Variants in SACS observed in about 807,000 individuals in gnomAD.
SACS encodes the protein sacsin molecular chaperone, also known as sacsin.
A neutral mutation model predicts 348.0 loss-of-function variants in SACS; 197 were observed. That is an observed-to-expected ratio of 0.57 (90% CI 0.50 to 0.64). SACS has a LOEUF of 0.64. Among genes scored for constraint, SACS ranks in the 30% least tolerant of loss-of-function variants. The pLI, the probability that SACS is intolerant of heterozygous loss-of-function variation, is 0.00. For synonymous variants in SACS, 1,985 were observed against 1,910.6 expected, an observed-to-expected ratio of 1.04 and a Z score of -1.02; for missense variants, 4,999 against 5,360.8, an observed-to-expected ratio of 0.93 and a Z score of 2.11.
At chr13:23,414,495 T>C (rs1197301283) in intron 1 of SACS, among the ~76,000 whole-genome samples, 1 of 152,084 alleles carries the variant, frequency 6.6e-6, no homozygotes, top group Admixed American at 6.6e-5. Context: ...TTGATCTCAG[T>C]GGAACACTGC....
At chr13:23,350,759 A>C (rs1321498496) in intron 9 of SACS, among the ~76,000 whole-genome samples, 3 of 152,204 alleles carry the variant, frequency 2.0e-5, no homozygotes, top group African/African-American at 7.2e-5. Context: ...AGGGGGCTCC[A>C]TAAACATAAT....
chr13:23,397,911 G>T (rs1034997352), intron 2 of SACS, among the ~76,000 whole-genome samples: 4 of 152,176 alleles, frequency 2.6e-5, no homozygotes, highest in Admixed American at 1.3e-4. Flanking sequence ...ATTTAAGAAG[G>T]CCAGGCGTGG....
rs745730439 is a variant in SACS, at chr13:23,355,004, C to T, written c.1608G>A (p.Pro536=). Residue 536 remains proline (P), a synonymous_variant, in exon 8 of 10, where the codon CCG becomes CCA. Coordinates refer to ENST00000382292, the MANE Select transcript of SACS (RefSeq NM_014363.6). ...AGTGCACCTTGACTTTGCTCGCCTC[C>T]GGCCAAAGCTTATAGATAACATCAA... ...LSVDVIYKLW[P]EASKVKVHWQ... is the part of the protein sequence containing the mutation. The T allele has an allele frequency of 3.3e-5, 53 of 1,614,114 alleles. No homozygotes were observed. Among genetic ancestry groups the T allele is most frequent in the South Asian group, 2.1e-4 (19 of 91,094 alleles).
intron 9 of SACS, among the ~76,000 whole-genome samples, chr13:23,351,767 A>G (rs780982273): frequency 1.8e-4 from 28 of 152,168 alleles, no homozygotes; most frequent in African/African-American, 5.3e-4. Context: ...CATCAAGACA[A>G]TTTCTGGGAG....
chr13:23,381,911 T>C (rs527743208), intron 2 of SACS, among the ~76,000 whole-genome samples: 2 of 152,324 alleles, frequency 1.3e-5, no homozygotes, highest in African/African-American at 4.8e-5. Flanking sequence ...AAATGAATCA[T>C]AGAAACTCCA....
intron 2 of SACS, among the ~76,000 whole-genome samples, chr13:23,400,987 A>G (rs1872951971): frequency 2.9e-5 from 1 of 34,152 alleles, no homozygotes; most frequent in Non-Finnish European, 6.8e-5. Context: ...AAAGCGTATC[A>G]AATAAAAAAG....
At chr13:23,419,654 T>C (rs1048040992) in intron 1 of SACS, among the ~76,000 whole-genome samples, 4 of 152,216 alleles carry the variant, frequency 2.6e-5, no homozygotes, top group Non-Finnish European at 5.9e-5. Flanking sequence ...GCGTCTTCTA[T>C]GCAAAGCCTG....
At position 23,352,386 on chromosome 13, in the gene SACS, A is replaced by G. The variant is rs1366040989; in HGVS notation, c.2185+1399T>C. On this transcript the variant is annotated intron_variant, in intron 9 of 9. Transcript: ENST00000382292. ...CCTTCTATACAAAGCATGATTAACTAGCAAAGTGAATCTATGCTGTTAAAG... is the reference window on the plus strand; with the variant it reads ...CCTTCTATACAAAGCATGATTAACTGGCAAAGTGAATCTATGCTGTTAAAG... 2.6e-5 allele frequency among the ~76,000 whole-genome samples: 4 copies of G among 152,220 alleles called. No homozygotes were observed. The East Asian group carries it at 7.7e-4, about 29-fold the overall frequency.
chr13:23,332,213 A>G lies in SACS; in HGVS notation c.11663T>C (p.Leu3888Pro). The G allele has an allele frequency of 6.2e-7, 1 of 1,614,038 alleles. No individual in the cohort carries two copies. Residue 3888 changes from leucine (L) to proline (P), a missense_variant, in exon 10 of 10, where the codon CTA (leucine) becomes CCA (proline). Physicochemically the swap from Leu to Pro is moderately conservative, Grantham distance 98. Coordinates refer to ENST00000382292, the MANE Select transcript of SACS (RefSeq NM_014363.6). ...CCTCACCTTGACTGAATCATTCTGT[A>G]GACTCCTGAACAGACCAGAAACTAC... ...KRVVSGLFRS[L>P]QNDSVKVRSD...
chr13:23,393,841 A>C (rs889576588), intron 2 of SACS, among the ~76,000 whole-genome samples: 1 of 152,172 alleles, frequency 6.6e-6, no homozygotes, highest in South Asian at 2.1e-4. Flanking sequence ...GCTCACTGCA[A>C]GCTCCGCCTC....
chr13:23,332,789 A>G lies in SACS; in HGVS notation c.11087T>C (p.Val3696Ala). The G allele has an allele frequency of 6.2e-7, 1 of 1,614,006 alleles. No individual in the cohort carries two copies. The highest frequency in any genetic ancestry group is 8.5e-7 in the Non-Finnish European group (1 of 1,179,962). The change falls in exon 10 of 10, where the codon GTA (valine) becomes GCA (alanine). Residue 3696 changes from valine (V) to alanine (A), a missense_variant. Around this residue, in one of 6 missense-constraint regions of SACS, gnomAD observed 831 missense variants for 941.8 expected, o/e 0.88. Transcript: ENST00000382292. ...QVNPKFKQCD[V>A]LQLLWTSCPI... ...GCAGGATGTCCATAACAGCTGGAGTACATCACATTGCTTGAATTTTGGATT... is the reference window on the plus strand; with the variant it reads ...GCAGGATGTCCATAACAGCTGGAGTGCATCACATTGCTTGAATTTTGGATT...
rs1868746229 is a variant in SACS at position 23,337,502 on chromosome 13, T to C, written c.6374A>G (p.Asp2125Gly). The part of the protein sequence containing the change: ...HPEGRVAKLF[D>G]IKDGRFPYGS... ...ATAAGGGAATCTCCCATCTTTAATA[T>C]CAAATAACTTTGCAACTCGTCCTTC... Residue 2125 changes from aspartate (D) to glycine (G), a missense_variant, in exon 10 of 10, where the codon GAT becomes GGT. By Grantham distance (94) the Asp-to-Gly change is moderately conservative (BLOSUM62 -1). This residue lies in a region of SACS where 3,156 missense variants were observed against 3,380.1 expected (regional missense o/e 0.93). Coordinates refer to ENST00000382292, the MANE Select transcript of SACS (RefSeq NM_014363.6). 3 of 1,613,800 alleles carry C rather than the reference T, an allele frequency of 1.9e-6. No individual in the cohort carries two copies. The highest frequency in any genetic ancestry group is 2.2e-5 in the South Asian group (2 of 91,062).
At chr13:23,362,758 G>C (rs1272425288) in intron 6 of SACS, among the ~76,000 whole-genome samples, 1 of 151,584 alleles carries the variant, frequency 6.6e-6, no homozygotes, top group Admixed American at 6.6e-5. Context: ...GCTAATTTTT[G>C]TATTTTTAGT....
chr13:23,344,970 T>A (rs920543425), intron 9 of SACS, among the ~76,000 whole-genome samples: 9 of 152,202 alleles, frequency 5.9e-5, no homozygotes, highest in African/African-American at 1.9e-4. Flanking sequence ...GATGGAAATA[T>A]TATATATAGT....
chr13:23,428,331 C>T (rs974068897), intron 1 of SACS: 2 of 152,220 alleles, frequency 1.3e-5, no homozygotes, highest in African/African-American at 4.8e-5. Flanking sequence ...GTAATCATCT[C>T]ACTCTCCTAA....
chr13:23,339,397 G>A lies in SACS; in HGVS notation c.4479C>T (p.Cys1493=), dbSNP rs1208272610. 1 of 1,611,626 alleles carries A rather than the reference G, an allele frequency of 6.2e-7. No homozygotes were observed. Among genetic ancestry groups the A allele is most frequent in the Middle Eastern group, 1.7e-4 (1 of 6,036 alleles). Residue 1493 remains cysteine (C), a synonymous_variant, in exon 10 of 10, where the codon TGC becomes TGT. Coordinates refer to ENST00000382292, the MANE Select transcript of SACS (RefSeq NM_014363.6). ...TTCTTCTCATATCAATCAAGAAACT[G>A]CATTCTGTTGCATTTGCATCATCAG... ...QNADDANATE[C]SFLIDMRRNM... is the part of the protein sequence containing the mutation.
In SACS at chr13:23,340,131, G is replaced by A. The variant is rs1027429746; in HGVS notation, c.3745C>T (p.Gln1249Ter). The A allele has an allele frequency of 3.7e-6, 6 of 1,613,524 alleles. No homozygotes were observed. The highest frequency in any genetic ancestry group is 1.3e-5 in the African/African-American group (1 of 74,888). The stretch of plus-strand genomic sequence containing the variant: ...CCGTAAATCTCAAGCAAAATATGCT[G>A]GAATTGATAGTAGTCTTCATCACTA... The part of the protein sequence containing the change: ...TFSDEDYYQF[Q>*]HILLEIYGFM... Residue 1249 changes from glutamine (Q) to a stop codon, truncating the protein, a stop_gained, in exon 10 of 10, where the codon CAG becomes TAG. Coordinates refer to ENST00000382292, the MANE Select transcript of SACS (RefSeq NM_014363.6). LOFTEE classifies it high-confidence loss of function.
intron 2 of SACS, among the ~76,000 whole-genome samples, chr13:23,384,251 T>C (rs979004711): frequency 6.6e-6 from 1 of 152,222 alleles, no homozygotes; most frequent in African/African-American, 2.4e-5. Context: ...CGTAGACATC[T>C]TCAGCATTTA....
Position 23,336,240 on chromosome 13 carries a change from A to G in SACS, c.7636T>C (p.Leu2546=). 1.9e-6 allele frequency: 3 copies of G among 1,614,078 alleles called. No individual in the cohort carries two copies. The highest frequency in any genetic ancestry group is 1.1e-5 in the South Asian group (1 of 91,076). ...LNAYPSEKEM[L]KELLQNADDA... ...TCAGCATTTTGAAGAAGCTCTTTCA[A>G]CATTTCCTTTTCAGAAGGATATGCA... The change falls in exon 10 of 10, where the codon TTG becomes CTG. Residue 2546 remains leucine (L), a synonymous_variant. Coordinates refer to ENST00000382292, the MANE Select transcript of SACS (RefSeq NM_014363.6).
Sources: gnomAD v4.1 joint callset for allele counts (sites outside exome capture counted in the v4.1 genomes callset) on GRCh38, gnomAD v4.1.1 for gene constraint, gnomAD v4.1.1 regional missense constraint, MANE v1.5 for transcripts, NCBI Gene and HGNC (gene_info 2026-07-23, HGNC 2026-07-21) for gene names.